Variants in SCAP observed in about 807,000 individuals in gnomAD.
SCAP encodes sterol regulatory element-binding protein cleavage-activating protein.
SCAP carries 65 observed loss-of-function variants against 123.6 expected under a neutral mutation model. That is an observed-to-expected ratio of 0.53 (90% CI 0.43 to 0.65). SCAP has a LOEUF of 0.65. SCAP is among the 30% of genes least tolerant of loss of function. The pLI, the probability that SCAP is intolerant of heterozygous loss-of-function variation, is 0.00. For synonymous variants in SCAP, 740 were observed against 726.3 expected (o/e 1.02, Z -0.30); for missense variants, 1,398 against 1,712.5 (o/e 0.82, Z 3.24).
At chr3:47,445,632 C>T (rs1413692116) in intron 1 of SCAP, among the ~76,000 whole-genome samples, 2 of 151,862 alleles carry the variant, frequency 1.3e-5, no homozygotes, top group Non-Finnish European at 1.5e-5. Flanking sequence ...AGTGCAGCAG[C>T]GCGATCTCAG....
intron 6 of SCAP, among the ~76,000 whole-genome samples, chr3:47,426,785 T>G (rs1165376993): frequency 1.3e-5 from 2 of 152,126 alleles, no homozygotes; most frequent in African/African-American, 4.8e-5. Flanking sequence ...CAGAAGCACC[T>G]CGAGTGCCCT....
intron 1 of SCAP, among the ~76,000 whole-genome samples, chr3:47,454,334 C>T (rs1707334416): frequency 6.6e-6 from 1 of 151,750 alleles, no homozygotes; most frequent in Admixed American, 6.6e-5. Context: ...CGCCACTGCA[C>T]TCCCATCTGG....
At position 47,413,783 on chromosome 3, in the gene SCAP, C is replaced by T. The variant is rs200143666; in HGVS notation, c.*71G>A. On this transcript the variant is annotated 3_prime_UTR_variant, in exon 23 of 23. Coordinates refer to ENST00000265565, the MANE Select transcript of SCAP (RefSeq NM_012235.4). Reference sequence around the variant, plus strand: ...CTGGAAGATACTCGGCTCTTTCCCCCAAGTCCAGGTTCAGTGCATTGGCCC... The same window carrying T: ...CTGGAAGATACTCGGCTCTTTCCCCTAAGTCCAGGTTCAGTGCATTGGCCC... 8 of 1,547,152 alleles carry T rather than the reference C, an allele frequency of 5.2e-6. No individual in the cohort carries two copies. Among genetic ancestry groups the T allele is most frequent in the South Asian group, 1.2e-5 (1 of 82,162 alleles).
chr3:47,414,142 T>A (rs751071982), intron 22 of SCAP, 38 bp downstream of exon 22: 18 of 1,613,366 alleles, frequency 1.1e-5, no homozygotes, highest in Non-Finnish European at 1.4e-5. Flanking sequence ...AGTCCTTCCC[T>A]AAAATCCCAA....
intron 3 of SCAP, among the ~76,000 whole-genome samples, chr3:47,430,093 G>A (rs561238367): frequency 1.8e-4 from 27 of 152,244 alleles, no homozygotes; most frequent in Non-Finnish European, 3.8e-4. Flanking sequence ...CACCACACAC[G>A]CATACAAACA....
intron 1 of SCAP, among the ~76,000 whole-genome samples, chr3:47,458,487 C>T (rs190878097): frequency 6.6e-6 from 1 of 152,082 alleles, no homozygotes; most frequent in Non-Finnish European, 1.5e-5. Flanking sequence ...AGTTAATGAA[C>T]GAAAGCTGAT....
intron 1 of SCAP, among the ~76,000 whole-genome samples, chr3:47,455,532 T>C (rs1576304317): frequency 6.8e-6 from 1 of 146,356 alleles, no homozygotes; most frequent in Non-Finnish European, 1.5e-5. Flanking sequence ...GAGGTGGAGG[T>C]TGCAGTGAGC....
chr3:47,433,411 T>C (rs976565199), intron 3 of SCAP, among the ~76,000 whole-genome samples: 1 of 152,194 alleles, frequency 6.6e-6, no homozygotes, highest in African/African-American at 2.4e-5. Flanking sequence ...CTAGTTATTC[T>C]GCACCAACAC....
chr3:47,442,878 G>T lies in SCAP; in HGVS notation c.116C>A (p.Ala39Asp), dbSNP rs749524696. 3.7e-6 allele frequency: 6 copies of T among 1,614,142 alleles called. No homozygotes were observed. Among genetic ancestry groups the T allele is most frequent in the Non-Finnish European group, 5.1e-6 (6 of 1,180,002 alleles). The stretch of plus-strand genomic sequence containing the variant: ...AGGCAACCCAAAAACATACCAGCAG[G>T]CTAAGATGCAGAACCCTGTGAAGAG... ...IILFTGFCILACCYPLLKLPL... is the reference protein window; with the variant it reads ...IILFTGFCILDCCYPLLKLPL... The change falls in exon 2 of 23, where the codon GCC becomes GAC. Residue 39 changes from alanine (A) to aspartate (D), a missense_variant. By Grantham distance (126) the Ala-to-Asp change is moderately radical. This residue lies in a region of SCAP where 319 missense variants were observed against 432.4 expected (regional missense o/e 0.74). Transcript: ENST00000265565.
chr3:47,453,194 C>T (rs949053086), intron 1 of SCAP, among the ~76,000 whole-genome samples: 5 of 152,132 alleles, frequency 3.3e-5, no homozygotes, highest in Admixed American at 2.0e-4. Flanking sequence ...TGCATTTGCA[C>T]TTCACTTCTG....
Position 47,434,995 on chromosome 3 carries a change from G to A in SCAP, c.252+13C>T. 1 of 1,614,078 alleles carries A rather than the reference G, an allele frequency of 6.2e-7. No homozygotes were observed. The highest frequency in any genetic ancestry group is 1.3e-5 in the African/African-American group (1 of 75,048). On this transcript the variant is annotated intron_variant, in intron 3 of 22. Transcript: ENST00000265565. Reference sequence around the variant, plus strand: ...CGCTCTGTGCTGGCCTCAGGAACATGACGAGTACCCACCCACTCAGGCTGC... The same window carrying A: ...CGCTCTGTGCTGGCCTCAGGAACATAACGAGTACCCACCCACTCAGGCTGC...
At position 47,417,429 on chromosome 3, in the gene SCAP, C is replaced by T. The variant is rs555307517; in HGVS notation, c.2845G>A (p.Glu949Lys). 9.7e-5 allele frequency: 152 copies of T among 1,560,366 alleles called. No homozygotes were observed. The highest frequency in any genetic ancestry group is 1.2e-4 in the Admixed American group (6 of 51,922). ...GPVLSQAPEDEGGSPEKGSPS... is the reference protein window; with the variant it reads ...GPVLSQAPEDKGGSPEKGSPS... ...GAGCCTTTCTCGGGGGAGCCACCCT[C>T]GTCCTCAGGGGCCTGGGACAGCACC... is the stretch of plus-strand genomic sequence containing the variant. Residue 949 changes from glutamate to lysine, a missense_variant, in exon 17 of 23, where the codon GAG (glutamate) becomes AAG (lysine). Coordinates refer to ENST00000265565, the MANE Select transcript of SCAP (RefSeq NM_012235.4).
intron 19 of SCAP, 39 bp from the exon 20 acceptor site, chr3:47,415,032 C>T: frequency 6.3e-7 from 1 of 1,580,478 alleles, no homozygotes; most frequent in Non-Finnish European, 8.6e-7. Flanking sequence ...TCTGAGAAAG[C>T]AATGGGTAGA....
chr3:47,422,403 C>A, intron 10 of SCAP, 39 bp downstream of exon 10: 1 of 1,577,608 alleles, frequency 6.3e-7, no homozygotes, highest in Non-Finnish European at 8.7e-7. Context: ...ACAGCAGTTG[C>A]TTCCATGCTC....
chr3:47,421,096 T>C (rs1705878780), intron 10 of SCAP, 67 bp from the exon 11 acceptor site: 1 of 1,297,370 alleles, frequency 7.7e-7, no homozygotes, highest in African/African-American at 1.5e-5. Flanking sequence ...AGAGGAGCAG[T>C]ACCCGGACTG....
Position 47,435,119 on chromosome 3 carries a change from G to A in SCAP, c.141C>T (p.Leu47=), listed in dbSNP as rs775068085. The change falls in exon 3 of 23, where the codon CTC becomes CTT. Residue 47 remains leucine, a synonymous_variant. Coordinates refer to ENST00000265565, the MANE Select transcript of SCAP (RefSeq NM_012235.4). ...ILACCYPLLK[L]PLPGTGPVEF... The stretch of plus-strand genomic sequence containing the variant: ...CCACAGGTCCTGTTCCTGGCAAGGG[G>A]AGTTTCAGCAGTGGGTAGCTGGGAT... 1 of 1,613,970 alleles carries A rather than the reference G, an allele frequency of 6.2e-7. No individual in the cohort carries two copies. Among genetic ancestry groups the A allele is most frequent in the South Asian group, 1.1e-5 (1 of 91,068 alleles).
At chr3:47,434,915 G>A (rs1174578976) in intron 3 of SCAP, 93 bp downstream of exon 3, 2 of 1,521,464 alleles carry the variant, frequency 1.3e-6, no homozygotes, top group Admixed American at 1.7e-5. Context: ...CAAATCAGAA[G>A]CTGACCAACC....
At chr3:47,416,727 C>A (rs1052510717) in intron 18 of SCAP, among the ~76,000 whole-genome samples, 2 of 149,406 alleles carry the variant, frequency 1.3e-5, no homozygotes, top group Middle Eastern at 3.2e-3. Flanking sequence ...CCCGGGTTCA[C>A]GCCATTCTCC....
intron 20 of SCAP, 67 bp downstream of exon 20, chr3:47,414,760 A>AGG: frequency 6.2e-7 from 1 of 1,603,854 alleles, no homozygotes; most frequent in Non-Finnish European, 8.5e-7. Context: ...CCTCTCCCTG[A>AGG]CGAATGCATC....
Sources: gnomAD v4.1 joint callset for allele counts (sites outside exome capture counted in the v4.1 genomes callset) on GRCh38, gnomAD v4.1.1 for gene constraint, gnomAD v4.1.1 regional missense constraint, MANE v1.5 for transcripts, NCBI Gene and HGNC (gene_info 2026-07-23, HGNC 2026-07-21) for gene names.